The following ZNRF3 variants were observed in gnomAD, a reference collection of about 807,000 sequenced individuals.
ZNRF3 encodes zinc and ring finger 3.
In ZNRF3, 23 loss-of-function variants were observed where a neutral mutation model predicts 72.5. The observed-to-expected ratio is 0.32, with a 90% CI of 0.23 to 0.45. The LOEUF is 0.45. Among genes scored for constraint, ZNRF3 ranks in the 20% least tolerant of loss-of-function variants. The pLI is 1.00. For missense variants in ZNRF3, 1,169 were observed against 1,272.1 expected (o/e 0.92, Z 1.23); for synonymous variants, 610 against 545.3 (o/e 1.12, Z -1.65).
chr22:28,936,001 G>A (rs1166646813), intron 1 of ZNRF3, among the ~76,000 whole-genome samples: 2 of 152,020 alleles, frequency 1.3e-5, no homozygotes, highest in African/African-American at 4.8e-5. Flanking sequence ...AGGAGTTCGG[G>A]GGTGCAGAGT....
intron 1 of ZNRF3, among the ~76,000 whole-genome samples, chr22:28,948,423 C>T (rs554258850): frequency 1.3e-5 from 2 of 152,318 alleles, no homozygotes; most frequent in Admixed American, 1.3e-4. Context: ...ACCTTGGCCT[C>T]CCAAAGTGCT....
intron 1 of ZNRF3, among the ~76,000 whole-genome samples, chr22:28,976,860 ACTTACGAGGCAT>A (rs1272709955): frequency 1.3e-5 from 2 of 152,194 alleles, no homozygotes; most frequent in African/African-American, 4.8e-5. Flanking sequence ...AAAAAATTTA[ACTTACGAGGCAT>A]CTTATCTATT....
chr22:28,940,633 G>A (rs1437467858), intron 1 of ZNRF3, among the ~76,000 whole-genome samples: 3 of 152,062 alleles, frequency 2.0e-5, no homozygotes, highest in African/African-American at 7.2e-5. Flanking sequence ...CCCTTCAGAG[G>A]CTGCAGCGCC....
chr22:28,887,152 A>G (rs1348521248), intron 1 of ZNRF3, among the ~76,000 whole-genome samples: 1 of 151,984 alleles, frequency 6.6e-6, no homozygotes. Context: ...GTCACCTTTA[A>G]GAATTCTAAG....
rs767397411 is a variant in ZNRF3 at position 28,883,924 on chromosome 22, C to T, written c.158C>T (p.Ala53Val). Residue 53 changes from alanine to valine, a missense_variant, in exon 1 of 9, where the codon GCG becomes GTG. Around this residue, in one of 2 missense-constraint regions of ZNRF3, gnomAD observed 386 missense variants for 540.7 expected, o/e 0.71. Coordinates refer to ENST00000544604, the MANE Select transcript of ZNRF3 (RefSeq NM_001206998.2). This position sits in a 1 kb window ranked among gnomAD's most constrained non-coding sequence, Gnocchi z 5.5. ...CTGGCGGCCGCGGGGCCCGGCGCGG[C>T]GCGGGCCAAGGAGACGGCGTTCGTG... ...LLLAAAGPGA[A>V]RAKETAFVEV... 6 of 1,205,306 alleles carry T rather than the reference C, an allele frequency of 5.0e-6. No homozygotes were observed. Among genetic ancestry groups the T allele is most frequent in the Admixed American group, 3.0e-5 (1 of 32,958 alleles). The allele number at this position is 1,205,306 out of a possible 1,614,324, so 74.7% of individuals were successfully genotyped here.
At chr22:28,905,935 C>T (rs2034198505) in intron 1 of ZNRF3, among the ~76,000 whole-genome samples, 1 of 152,168 alleles carries the variant, frequency 6.6e-6, no homozygotes, top group South Asian at 2.1e-4. Flanking sequence ...AATGGAGAAG[C>T]TGGCCTGGAG....
chr22:28,917,512 G>A (rs966577666), intron 1 of ZNRF3: 6 of 918,328 alleles, frequency 6.5e-6, no homozygotes, highest in Non-Finnish European at 7.8e-6. Context: ...CTAAATTTGG[G>A]TAAGATATAC....
At chr22:28,926,083 C>T (rs2034595217) in intron 1 of ZNRF3, among the ~76,000 whole-genome samples, 1 of 152,158 alleles carries the variant, frequency 6.6e-6, no homozygotes, top group Non-Finnish European at 1.5e-5. Context: ...GCTATGGAGA[C>T]CCTGTTGTGT....
intron 2 of ZNRF3, among the ~76,000 whole-genome samples, chr22:29,032,484 TA>T (rs529948879): frequency 3.3e-4 from 50 of 152,196 alleles, no homozygotes; most frequent in Middle Eastern, 3.4e-3. Flanking sequence ...TGACAACCAG[TA>T]AAAAGGCTGT....
At chr22:28,913,149 G>A (rs150466820) in intron 1 of ZNRF3, among the ~76,000 whole-genome samples, 3 of 152,318 alleles carry the variant, frequency 2.0e-5, no homozygotes, top group East Asian at 1.9e-4. Context: ...TCAAGGCATC[G>A]CCTGAAGAAC....
Position 29,044,766 on chromosome 22 carries a change from G to T in ZNRF3, c.634-14G>T. ...AGAGAGGCTGTGACTCACTGTGTCT[G>T]TGTTCCGTTCCAGCAACCCACTGAA... On this transcript the variant is annotated splice_polypyrimidine_tract_variant and intron_variant, in intron 4 of 8. Coordinates refer to ENST00000544604, the MANE Select transcript of ZNRF3 (RefSeq NM_001206998.2). 6.3e-7 allele frequency: 1 copy of T among 1,588,952 alleles called. No individual in the cohort carries two copies. The highest frequency in any genetic ancestry group is 1.7e-5 in the Admixed American group (1 of 60,002).
At chr22:29,001,596 C>A (rs1330792638) in intron 2 of ZNRF3, among the ~76,000 whole-genome samples, 4 of 151,896 alleles carry the variant, frequency 2.6e-5, no homozygotes, top group Admixed American at 1.3e-4. Flanking sequence ...CTCAGCCTTC[C>A]GAGTAGCTGG....
intron 1 of ZNRF3, among the ~76,000 whole-genome samples, chr22:28,920,993 T>C (rs1330691393): frequency 6.6e-6 from 1 of 152,248 alleles, no homozygotes. Context: ...CCCAGCCCAC[T>C]GGCCACATGC....
intron 2 of ZNRF3, among the ~76,000 whole-genome samples, chr22:28,995,133 C>G (rs866870377): frequency 1.8e-4 from 27 of 152,190 alleles, no homozygotes; most frequent in African/African-American, 2.9e-4. Context: ...ATAGGAAAAT[C>G]AAACTAATTG....
chr22:29,052,470 A>G (rs2037223404), intron 8 of ZNRF3, among the ~76,000 whole-genome samples: 1 of 152,184 alleles, frequency 6.6e-6, no homozygotes, highest in Non-Finnish European at 1.5e-5. Context: ...CAAGGCAGGC[A>G]GATCACCAGG....
chr22:29,003,233 T>C (rs1023854505), intron 2 of ZNRF3, among the ~76,000 whole-genome samples: 5 of 152,162 alleles, frequency 3.3e-5, no homozygotes, highest in African/African-American at 9.7e-5. Flanking sequence ...TCCATTTGTT[T>C]TGGCTGGGCG....
chr22:28,914,921 G>C (rs1361740693), intron 1 of ZNRF3, among the ~76,000 whole-genome samples: 1 of 152,134 alleles, frequency 6.6e-6, no homozygotes, highest in Non-Finnish European at 1.5e-5. Context: ...CTTTCGATGA[G>C]GCCCCAGGCT....
At chr22:28,975,779 C>T (rs1424512660) in intron 1 of ZNRF3, among the ~76,000 whole-genome samples, 1 of 151,964 alleles carries the variant, frequency 6.6e-6, no homozygotes, top group Non-Finnish European at 1.5e-5. Context: ...TCCTCGGGGT[C>T]TGTTTGAAAA....
intron 1 of ZNRF3, among the ~76,000 whole-genome samples, chr22:28,982,947 C>T (rs2035792147): frequency 6.6e-6 from 1 of 152,004 alleles, no homozygotes; most frequent in Non-Finnish European, 1.5e-5. Flanking sequence ...CAGACTTGCA[C>T]TGGAGATGTA....
Sources: allele counts gnomAD v4.1 joint callset (sites outside exome capture counted in the v4.1 genomes callset), GRCh38; gene constraint gnomAD v4.1.1; regional missense constraint gnomAD v4.1.1; non-coding constraint Gnocchi (gnomAD v3.1); transcripts MANE v1.5; gene names NCBI Gene and HGNC (gene_info 2026-07-23, HGNC 2026-07-21).